CPA6: variants seen among roughly 807,000 people sequenced by gnomAD.
CPA6 encodes the protein carboxypeptidase B.
CPA6 carries 58 observed loss-of-function variants against 63.3 expected under a neutral mutation model. The observed-to-expected ratio is 0.92, with a 90% CI of 0.74 to 1.14. CPA6 has a LOEUF of 1.14. CPA6 is among the 50% of genes most tolerant of loss of function. The pLI is 0.00. For missense variants in CPA6, 565 were observed against 526.6 expected (o/e 1.07, Z -0.71); for synonymous variants, 185 against 179.0 (o/e 1.03, Z -0.27).
rs866132007 is a variant in CPA6 at position 67,607,140 on chromosome 8, T to C, written c.192+17036A>G. ...CTCCTCCTCCTCCTCCTCCTCCCCC[T>C]CCTCCCCCCCCTCCTCTTCTTCTTC... is the stretch of plus-strand genomic sequence containing the variant. On this transcript the variant is annotated intron_variant, in intron 2 of 10. Transcript: ENST00000297770. 3.4e-3 allele frequency among the ~76,000 whole-genome samples: 199 copies of C among 58,428 alleles called. 5 individuals carry two copies. The highest frequency in any genetic ancestry group is 4.7e-3 in the African/African-American group (40 of 8,580). The allele number at this position is 58,428 out of a possible 152,430, so 38.3% of individuals were successfully genotyped here. A position where few individuals can be genotyped will look rare whatever the true frequency, so the allele number is the denominator to read the frequency against.
At chr8:67,595,630 T>C (rs1208180143) in intron 2 of CPA6, among the ~76,000 whole-genome samples, 10 of 152,202 alleles carry the variant, frequency 6.6e-5, no homozygotes, top group Non-Finnish European at 2.9e-5. Flanking sequence ...TGCAGTTTGA[T>C]CTCAGACTGC....
chr8:67,662,270 C>G (rs541678636), intron 1 of CPA6, among the ~76,000 whole-genome samples: 3 of 152,236 alleles, frequency 2.0e-5, no homozygotes, highest in African/African-American at 7.2e-5. Flanking sequence ...TGACAAGAAA[C>G]CTACAGTCTC....
At chr8:67,574,913 T>G (rs1249749893) in intron 2 of CPA6, among the ~76,000 whole-genome samples, 1 of 151,988 alleles carries the variant, frequency 6.6e-6, no homozygotes, top group Non-Finnish European at 1.5e-5. Flanking sequence ...TAAAAACTTC[T>G]GTACAACAAA....
At chr8:67,598,142 C>A (rs1814393750) in intron 2 of CPA6, among the ~76,000 whole-genome samples, 1 of 152,178 alleles carries the variant, frequency 6.6e-6, no homozygotes, top group African/African-American at 2.4e-5. Flanking sequence ...TCCACCCTGG[C>A]AATCCCTGTG....
At chr8:67,562,649 G>A (rs190031284) in intron 2 of CPA6, among the ~76,000 whole-genome samples, 17 of 152,236 alleles carry the variant, frequency 1.1e-4, no homozygotes, top group Admixed American at 9.8e-4. Flanking sequence ...GGTCAAGACC[G>A]TAGAGTCCTC....
At chr8:67,428,588 A>G (rs1809948988) in intron 9 of CPA6, among the ~76,000 whole-genome samples, 1 of 152,110 alleles carries the variant, frequency 6.6e-6, no homozygotes, top group Admixed American at 6.5e-5. Flanking sequence ...GGTTCAAGCG[A>G]TTCCCCTGCC....
At chr8:67,514,413 A>G (rs551840039) in intron 3 of CPA6, among the ~76,000 whole-genome samples, 1 of 152,328 alleles carries the variant, frequency 6.6e-6, no homozygotes, top group Admixed American at 6.5e-5. Flanking sequence ...AAATCACTAT[A>G]GCTATACATT....
intron 2 of CPA6, among the ~76,000 whole-genome samples, chr8:67,599,312 C>T (rs1192290899): frequency 6.6e-6 from 1 of 152,162 alleles, no homozygotes; most frequent in Admixed American, 6.5e-5. Flanking sequence ...CAACTTCCAC[C>T]TTGCATGCAC....
At chr8:67,527,845 T>G (rs1812396531) in intron 2 of CPA6, among the ~76,000 whole-genome samples, 1 of 152,230 alleles carries the variant, frequency 6.6e-6, no homozygotes, top group Non-Finnish European at 1.5e-5. Context: ...TTCTTCCATT[T>G]TCCTTCACAT....
At chr8:67,675,213 T>C (rs1207937993) in intron 1 of CPA6, among the ~76,000 whole-genome samples, 13 of 152,116 alleles carry the variant, frequency 8.5e-5, no homozygotes, top group Admixed American at 8.5e-4. Context: ...AAAAATCTCC[T>C]AAACAAAGAT....
At chr8:67,512,719 T>C (rs1812066670) in intron 3 of CPA6, among the ~76,000 whole-genome samples, 1 of 143,634 alleles carries the variant, frequency 7.0e-6, no homozygotes, top group Non-Finnish European at 1.5e-5. Flanking sequence ...GGCAGGTAGC[T>C]AAAAAGCTTT....
chr8:67,646,460 G>T (rs1408393624), intron 1 of CPA6, among the ~76,000 whole-genome samples: 1 of 152,088 alleles, frequency 6.6e-6, no homozygotes, highest in Non-Finnish European at 1.5e-5. Flanking sequence ...CCCCATTTTT[G>T]GTGGGGGAAC....
chr8:67,458,329 C>T (rs987363725), intron 8 of CPA6, among the ~76,000 whole-genome samples: 1 of 152,092 alleles, frequency 6.6e-6, no homozygotes, highest in Admixed American at 6.5e-5. Context: ...CCCTGAGTAG[C>T]TGGAATTACA....
rs1811410219 is a variant in CPA6 at position 67,483,788 on chromosome 8, T to C, written c.818A>G (p.Asn273Ser). The change falls in exon 8 of 11, where the codon AAC becomes AGC. Residue 273 changes from asparagine (N) to serine (S), a missense_variant. Physicochemically the swap from Asn to Ser is conservative, Grantham distance 46. Transcript: ENST00000297770. Reference protein sequence around the residue: ...FRCRGVDANRNWKVKWCDEGA... With the variant: ...FRCRGVDANRSWKVKWCDEGA... The stretch of plus-strand genomic sequence containing the variant: ...CTTACCACACCACTTCACTTTCCAG[T>C]TTCTATTGGCATCCACTCCACGGCA... 2 of 1,614,124 alleles carry C rather than the reference T, an allele frequency of 1.2e-6. No individual in the cohort carries two copies. The highest frequency in any genetic ancestry group is 1.7e-6 in the Non-Finnish European group (2 of 1,179,970).
Position 67,547,055 on chromosome 8 carries a change from T to G in CPA6, c.193-29008A>C, listed in dbSNP as rs548563460. 1.0e-3 allele frequency among the ~76,000 whole-genome samples: 151 copies of G among 148,992 alleles called. 1 individual carries two copies. Among genetic ancestry groups the G allele is most frequent in the African/African-American group, 3.8e-3 (145 of 38,572 alleles). The stretch of plus-strand genomic sequence containing the variant: ...CCAAGTTTATTTTTTATTTTATTTA[T>G]TTTTTTTGTGAGATGGAGTCTCGCT... On this transcript the variant is annotated intron_variant, in intron 2 of 10. Coordinates refer to ENST00000297770, the MANE Select transcript of CPA6 (RefSeq NM_020361.5).
At chr8:67,605,531 C>CTTTTTTTTTTTT (rs68153641) in intron 2 of CPA6, among the ~76,000 whole-genome samples, 1 of 125,268 alleles carries the variant, frequency 8.0e-6, no homozygotes, top group Non-Finnish European at 1.7e-5. Flanking sequence ...TATTGTATTG[C>CTTTTTTTTTTTT]TTTTTTTTTT....
At chr8:67,487,793 T>C (rs1198087369) in intron 6 of CPA6, among the ~76,000 whole-genome samples, 1 of 152,252 alleles carries the variant, frequency 6.6e-6, no homozygotes, top group Non-Finnish European at 1.5e-5. Flanking sequence ...TTGATTTGCG[T>C]TTCTCTGATG....
chr8:67,564,774 C>G (rs1205908055), intron 2 of CPA6, among the ~76,000 whole-genome samples: 1 of 152,168 alleles, frequency 6.6e-6, no homozygotes, highest in African/African-American at 2.4e-5. Context: ...ATTAATATTG[C>G]TGATAGATTT....
intron 2 of CPA6, among the ~76,000 whole-genome samples, chr8:67,571,167 A>C (rs1396733566): frequency 6.6e-6 from 1 of 152,190 alleles, no homozygotes; most frequent in African/African-American, 2.4e-5. Context: ...TTATAAACAC[A>C]TGTGCACTCC....
Sources: gnomAD v4.1 joint callset for allele counts (sites outside exome capture counted in the v4.1 genomes callset) on GRCh38, gnomAD v4.1.1 for gene constraint, MANE v1.5 for transcripts, NCBI Gene and HGNC (gene_info 2026-07-23, HGNC 2026-07-21) for gene names.